PRSS23: variants seen among roughly 807,000 people sequenced by gnomAD.
PRSS23 encodes serine protease 23, also known as protease, serine 23.
In PRSS23, 25 loss-of-function variants were observed where a neutral mutation model predicts 34.7. That is an observed-to-expected ratio of 0.72 (90% CI 0.53 to 1.01). The LOEUF (loss-of-function observed/expected upper bound fraction) is 1.01. Among genes scored for constraint, PRSS23 ranks in the 50% least tolerant of loss-of-function variants. PRSS23 has a pLI of 0.00. For synonymous variants in PRSS23, 176 were observed against 186.6 expected, an observed-to-expected ratio of 0.94 and a Z score of 0.46; for missense variants, 445 against 475.6, an observed-to-expected ratio of 0.94 and a Z score of 0.60.
At chr11:86,829,343 G>A (rs12792551) in intron 2 of PRSS23, among the ~76,000 whole-genome samples, 9,163 of 152,130 alleles carry the variant, frequency 0.06, 346 homozygotes, top group Middle Eastern at 0.099. Context: ...TTTCAGCTCC[G>A]TCAGCTCCTT....
downstream of PRSS23, among the ~76,000 whole-genome samples, chr11:86,812,663 C>A (rs1019628731): frequency 4.0e-5 from 6 of 151,866 alleles, no homozygotes; most frequent in African/African-American, 1.2e-4. Context: ...TGGCGCATGC[C>A]TGTAATCCCA....
At chr11:86,806,833 A>T (rs1223052813) in intron 1 of PRSS23, among the ~76,000 whole-genome samples, 1 of 152,248 alleles carries the variant, frequency 6.6e-6, no homozygotes, top group East Asian at 1.9e-4. Context: ...CAACTGAAAA[A>T]GTAACCAATG....
intron 1 of PRSS23, among the ~76,000 whole-genome samples, chr11:86,801,448 GC>G (rs1948037018): frequency 6.6e-6 from 1 of 152,150 alleles, no homozygotes; most frequent in African/African-American, 2.4e-5. Flanking sequence ...TTGTTTTACT[GC>G]CCACTGGGTG....
In PRSS23 at chr11:86,951,219, T is replaced by G; in HGVS notation, c.210T>G (p.Ile70Met). The change falls in exon 3 of 3, where the codon ATT (isoleucine) becomes ATG (methionine). Residue 70 changes from isoleucine to methionine, a missense_variant. Physicochemically the swap from Ile to Met is conservative, Grantham distance 10 (BLOSUM62 1). Transcript: ENST00000533902. Reference sequence around the variant, plus strand: ...TTCTCTCTCTTTACCTTTCCAGAATTCACCAATCTGTTGGAACACTTCTGC... The same window carrying G: ...TTCTCTCTCTTTACCTTTCCAGAATGCACCAATCTGTTGGAACACTTCTGC... 6.2e-7 allele frequency: 1 copy of G among 1,614,086 alleles called. No individual in the cohort carries two copies. Among genetic ancestry groups the G allele is most frequent in the Non-Finnish European group, 8.5e-7 (1 of 1,179,952 alleles).
At chr11:86,930,306 T>C (rs887295374) in intron 2 of PRSS23, among the ~76,000 whole-genome samples, 1 of 152,096 alleles carries the variant, frequency 6.6e-6, no homozygotes, top group Non-Finnish European at 1.5e-5. Flanking sequence ...TATTCAAAAA[T>C]TGAAATAAAT....
chr11:86,939,390 A>AT (rs1380715375), intron 2 of PRSS23, among the ~76,000 whole-genome samples: 2 of 53,086 alleles, frequency 3.8e-5, no homozygotes, highest in African/African-American at 9.1e-5. Flanking sequence ...CCTATTTCTC[A>AT]GTTAAAAAAA....
intron 2 of PRSS23, among the ~76,000 whole-genome samples, chr11:86,849,602 G>A (rs1280401122): frequency 3.9e-5 from 6 of 152,150 alleles, no homozygotes; most frequent in Admixed American, 3.9e-4. Context: ...ACATTTAAAA[G>A]CTCAAGGCTT....
exon 3 of PRSS23, chr11:86,951,811 G>C (rs1283425300): frequency 6.2e-7 from 1 of 1,613,760 alleles, no homozygotes; most frequent in Non-Finnish European, 8.5e-7. Context: ...AAATGGAGCT[G>C]GCCATTCCAA....
At chr11:86,830,451 G>A (rs993425770) in intron 2 of PRSS23, among the ~76,000 whole-genome samples, 4 of 152,184 alleles carry the variant, frequency 2.6e-5, no homozygotes, top group African/African-American at 9.7e-5. Flanking sequence ...TCCCAAGTGA[G>A]GCAGTGCCTC....
intron 1 of PRSS23, among the ~76,000 whole-genome samples, chr11:86,818,340 C>T (rs1948227888): frequency 2.0e-5 from 3 of 152,140 alleles, no homozygotes; most frequent in South Asian, 4.1e-4. Context: ...GAATGGCCAA[C>T]ATTCAGAAGT....
intron 2 of PRSS23, among the ~76,000 whole-genome samples, chr11:86,924,005 A>G (rs553484526): frequency 3.3e-5 from 5 of 152,298 alleles, no homozygotes; most frequent in African/African-American, 1.2e-4. Flanking sequence ...ATCCTTAAAG[A>G]ATGGAGAGGA....
chr11:86,837,178 A>G (rs1303199479), intron 2 of PRSS23: 1 of 152,262 alleles, frequency 6.6e-6, no homozygotes, highest in Non-Finnish European at 1.5e-5. Flanking sequence ...TTTAAGAAAA[A>G]GTTTATCCTA....
At chr11:86,856,605 C>T (rs992446226) in intron 2 of PRSS23, among the ~76,000 whole-genome samples, 1 of 152,118 alleles carries the variant, frequency 6.6e-6, no homozygotes, top group Non-Finnish European at 1.5e-5. Context: ...GGAAACTGCA[C>T]GTTTAAGAAA....
intron 2 of PRSS23, among the ~76,000 whole-genome samples, chr11:86,887,646 AT>A (rs1948811857): frequency 6.6e-6 from 1 of 152,212 alleles, no homozygotes; most frequent in South Asian, 2.1e-4. Flanking sequence ...ACACATAATA[AT>A]TACCGTGCAC....
chr11:86,928,726 A>G (rs1349785077), intron 2 of PRSS23, among the ~76,000 whole-genome samples: 1 of 133,304 alleles, frequency 7.5e-6, no homozygotes, highest in African/African-American at 2.7e-5. Context: ...CATATACAGC[A>G]TATAATACAT....
At chr11:86,917,380 A>C (rs1949020436) in intron 2 of PRSS23, among the ~76,000 whole-genome samples, 1 of 152,234 alleles carries the variant, frequency 6.6e-6, no homozygotes, top group Admixed American at 6.5e-5. Context: ...AAAAAAATTA[A>C]GGCAAACATA....
intron 2 of PRSS23, among the ~76,000 whole-genome samples, chr11:86,831,688 G>A (rs978729972): frequency 4.6e-5 from 7 of 151,284 alleles, no homozygotes; most frequent in African/African-American, 1.7e-4. Context: ...GTCACAGGGG[G>A]TGTACACACT....
At chr11:86,806,027 A>G (rs1948097232) in intron 1 of PRSS23, among the ~76,000 whole-genome samples, 1 of 152,238 alleles carries the variant, frequency 6.6e-6, no homozygotes, top group Non-Finnish European at 1.5e-5. Flanking sequence ...CTGAGAGCCA[A>G]CTGATGCTTA....
At chr11:86,855,657 G>A (rs1948564810) in intron 2 of PRSS23, among the ~76,000 whole-genome samples, 1 of 152,136 alleles carries the variant, frequency 6.6e-6, no homozygotes, top group African/African-American at 2.4e-5. Flanking sequence ...CAGCACACCT[G>A]GCTAATTTTT....
Sources: allele counts gnomAD v4.1 joint callset (sites outside exome capture counted in the v4.1 genomes callset), GRCh38; gene constraint gnomAD v4.1.1; transcripts MANE v1.5; gene names NCBI Gene and HGNC (gene_info 2026-07-23, HGNC 2026-07-21).